TLL2: variants seen among roughly 807,000 people sequenced by gnomAD.
TLL2 encodes tolloid like 2.
A neutral mutation model predicts 123.0 loss-of-function variants in TLL2; 106 were observed. The ratio of observed to expected loss-of-function variants is 0.86; its 90% CI spans 0.74 to 1.01. The LOEUF is 1.01. TLL2 is among the 50% of genes least tolerant of loss of function. TLL2 has a pLI of 0.00. For synonymous variants in TLL2, 494 were observed against 516.8 expected, an observed-to-expected ratio of 0.96 and a Z score of 0.60; for missense variants, 1,332 against 1,336.7, an observed-to-expected ratio of 1.00 and a Z score of 0.06.
chr10:96,491,123 A>C (rs911855486), intron 1 of TLL2, among the ~76,000 whole-genome samples: 1 of 152,140 alleles, frequency 6.6e-6, no homozygotes, highest in Admixed American at 6.5e-5. Flanking sequence ...GCTTTCGCCT[A>C]TAATCCTAGA....
intron 16 of TLL2, 139 bp from the exon 17 acceptor site, chr10:96,379,231 T>C (rs1846165227): frequency 2.7e-6 from 3 of 1,111,968 alleles, no homozygotes; most frequent in Non-Finnish European, 3.8e-6. Context: ...GTTCCCTCAC[T>C]GGAGGAGTGA....
At chr10:96,380,252 C>A (rs1846173740) in intron 16 of TLL2, among the ~76,000 whole-genome samples, 1 of 152,130 alleles carries the variant, frequency 6.6e-6, no homozygotes, top group South Asian at 2.1e-4. Flanking sequence ...CCTGCATTTA[C>A]CAAAGATCAG....
chr10:96,485,881 C>T (rs556338913), intron 1 of TLL2, among the ~76,000 whole-genome samples: 12 of 152,238 alleles, frequency 7.9e-5, no homozygotes, highest in African/African-American at 2.7e-4. Context: ...CGCCATTTTT[C>T]CCCCAAAGAA....
Position 96,471,605 on chromosome 10 carries a change from C to T in TLL2, c.286+8744G>A, listed in dbSNP as rs1329494942. Among the ~76,000 whole-genome samples, 3 of 152,172 alleles carry T rather than the reference C, an allele frequency of 2.0e-5. 1 individual carries two copies. The highest frequency in any genetic ancestry group is 4.4e-5 in the Non-Finnish European group (3 of 68,024). On this transcript the variant is annotated intron_variant, in intron 2 of 20. Transcript: ENST00000357947. ...GTCAGACGCTGGAATAAGTGTTTTA[C>T]GTGTCACACTTATTTAATCCTCGCT...
chr10:96,374,852 C>T lies in TLL2; in HGVS notation c.2449-1043G>A, dbSNP rs113934419. Among the ~76,000 whole-genome samples, 39 of 151,706 alleles carry T rather than the reference C, an allele frequency of 2.6e-4. No homozygotes were observed. The East Asian group carries it at 2.9e-3, about 11-fold the overall frequency. On this transcript the variant is annotated intron_variant, in intron 18 of 20. Transcript: ENST00000357947. ...GGCTTCTCAGATGCTGGGTAGGTGG[C>T]CGACTGATGGGAGCCCCAGCGTCAA...
intron 14 of TLL2, 67 bp from the exon 15 acceptor site, chr10:96,386,282 G>A: frequency 7.0e-7 from 1 of 1,433,736 alleles, no homozygotes; most frequent in Non-Finnish European, 9.3e-7. Flanking sequence ...TTTCCCACCA[G>A]GAGCAATAGA....
At chr10:96,425,953 G>T (rs1358904602) in intron 5 of TLL2, among the ~76,000 whole-genome samples, 1 of 152,020 alleles carries the variant, frequency 6.6e-6, no homozygotes, top group African/African-American at 2.4e-5. Context: ...GCTTCTAGAA[G>T]TATCATCGAT....
intron 1 of TLL2, among the ~76,000 whole-genome samples, chr10:96,485,287 A>ATTTATAAAATTT (rs1469646924): frequency 1.3e-5 from 2 of 152,248 alleles, no homozygotes; most frequent in African/African-American, 4.8e-5. Context: ...AATTAGATTT[A>ATTTATAAAATTT]ATCAAATTTA....
chr10:96,466,415 G>A (rs921115656), intron 2 of TLL2, among the ~76,000 whole-genome samples: 16 of 152,160 alleles, frequency 1.1e-4, no homozygotes, highest in Admixed American at 6.5e-5. Flanking sequence ...AAACAGCTCC[G>A]GCAGAAATGC....
chr10:96,434,763 A>G (rs1400422850), intron 3 of TLL2, among the ~76,000 whole-genome samples: 3 of 152,176 alleles, frequency 2.0e-5, no homozygotes, highest in Non-Finnish European at 4.4e-5. Context: ...AAACTACCAG[A>G]CTGTTTTTCA....
chr10:96,458,440 C>T (rs535844388), intron 2 of TLL2, among the ~76,000 whole-genome samples: 8 of 151,826 alleles, frequency 5.3e-5, no homozygotes, highest in East Asian at 3.9e-4. Context: ...TACAAAAATT[C>T]GCCAGGCTTG....
intron 10 of TLL2, among the ~76,000 whole-genome samples, chr10:96,397,514 T>C (rs1322921748): frequency 6.6e-6 from 1 of 152,146 alleles, no homozygotes; most frequent in Non-Finnish European, 1.5e-5. Flanking sequence ...TCAGGCTGAC[T>C]TCAGGAGAAT....
chr10:96,496,478 C>T (rs796195904), intron 1 of TLL2, among the ~76,000 whole-genome samples: 10 of 152,342 alleles, frequency 6.6e-5, no homozygotes, highest in African/African-American at 2.2e-4. Context: ...GACTGCTTCT[C>T]AAGAGAACAC....
At chr10:96,452,289 G>A (rs551813362) in intron 2 of TLL2, among the ~76,000 whole-genome samples, 2 of 152,196 alleles carry the variant, frequency 1.3e-5, no homozygotes, top group Non-Finnish European at 1.5e-5. Context: ...GATGAGAGAT[G>A]GATATCCATC....
At chr10:96,447,857 G>T (rs1354871534) in intron 2 of TLL2, among the ~76,000 whole-genome samples, 2 of 152,004 alleles carry the variant, frequency 1.3e-5, no homozygotes, top group Non-Finnish European at 2.9e-5. Flanking sequence ...TTAACCCAGG[G>T]TTGCCCAGCC....
intron 2 of TLL2, among the ~76,000 whole-genome samples, chr10:96,468,206 C>T (rs1014848970): frequency 6.6e-6 from 1 of 152,234 alleles, no homozygotes; most frequent in African/African-American, 2.4e-5. Context: ...CCCTCCCCAG[C>T]ACGCCTTGTC....
chr10:96,380,672 G>A (rs376276644), intron 16 of TLL2, among the ~76,000 whole-genome samples: 107 of 96,240 alleles, frequency 1.1e-3, no homozygotes, highest in Middle Eastern at 0.01. Context: ...CAGCCTGGGC[G>A]ACAGAGCGAG....
At chr10:96,509,324 A>G (rs1460987064) in intron 1 of TLL2, among the ~76,000 whole-genome samples, 2 of 152,094 alleles carry the variant, frequency 1.3e-5, no homozygotes, top group African/African-American at 4.8e-5. Context: ...GTTCTACCCC[A>G]CTGGTCTGGA....
intron 1 of TLL2, among the ~76,000 whole-genome samples, chr10:96,494,005 C>G (rs1256685857): frequency 6.6e-6 from 1 of 152,334 alleles, no homozygotes; most frequent in African/African-American, 2.4e-5. Flanking sequence ...GTTCACTGCC[C>G]TGCACAGGAT....
Sources: allele counts gnomAD v4.1 joint callset (sites outside exome capture counted in the v4.1 genomes callset), GRCh38; gene constraint gnomAD v4.1.1; transcripts MANE v1.5; gene names NCBI Gene and HGNC (gene_info 2026-07-23, HGNC 2026-07-21).